Variants in GRB14 observed in about 807,000 individuals in gnomAD.
GRB14 encodes the protein growth factor receptor-bound protein 14.
GRB14 carries 38 observed loss-of-function variants against 69.1 expected under a neutral mutation model. That is an observed-to-expected ratio of 0.55 (90% CI 0.42 to 0.72). The LOEUF (loss-of-function observed/expected upper bound fraction) is 0.72. Among genes scored for constraint, GRB14 ranks in the 30% least tolerant of loss-of-function variants. GRB14 has a pLI of 0.00. For synonymous variants in GRB14, 247 were observed against 241.3 expected, an observed-to-expected ratio of 1.02 and a Z score of -0.22; for missense variants, 666 against 666.1, an observed-to-expected ratio of 1.00 and a Z score of 0.00.
At chr2:164,497,635 G>A (rs181924271) in intron 9 of GRB14, 145 bp from the exon 10 acceptor site, 14 of 603,298 alleles carry the variant, frequency 2.3e-5, no homozygotes, top group African/African-American at 1.1e-4. Context: ...GTGCCTGAAG[G>A]GGCTAGCAGA....
At chr2:164,616,618 T>C (rs1690305903) in intron 2 of GRB14, among the ~76,000 whole-genome samples, 1 of 152,186 alleles carries the variant, frequency 6.6e-6, no homozygotes, top group South Asian at 2.1e-4. Context: ...TCTCAAATAG[T>C]AAACAAAATT....
intron 2 of GRB14, among the ~76,000 whole-genome samples, chr2:164,579,292 C>A (rs997551552): frequency 2.0e-5 from 3 of 152,048 alleles, no homozygotes; most frequent in African/African-American, 7.2e-5. Flanking sequence ...AATAAAGACC[C>A]AAAACACTTC....
intron 2 of GRB14, among the ~76,000 whole-genome samples, chr2:164,551,682 C>A (rs184118647): frequency 5.3e-5 from 8 of 152,332 alleles, no homozygotes; most frequent in African/African-American, 1.9e-4. Context: ...CTCTGGCAAA[C>A]TTCCACCTAA....
intron 3 of GRB14, among the ~76,000 whole-genome samples, chr2:164,528,558 T>C (rs1164580466): frequency 6.6e-6 from 1 of 152,100 alleles, no homozygotes; most frequent in Non-Finnish European, 1.5e-5. Context: ...TTAAGAGTGT[T>C]CAATGAATAT....
At chr2:164,555,216 C>T (rs1688647497) in intron 2 of GRB14, among the ~76,000 whole-genome samples, 1 of 152,170 alleles carries the variant, frequency 6.6e-6, no homozygotes, top group Admixed American at 6.5e-5. Context: ...AGATCCTTTT[C>T]AATGTGAATT....
At chr2:164,526,851 A>G (rs918624781) in intron 4 of GRB14, among the ~76,000 whole-genome samples, 163 bp downstream of exon 4, 2 of 151,934 alleles carry the variant, frequency 1.3e-5, no homozygotes, top group African/African-American at 4.8e-5. Flanking sequence ...ATGTTCACTA[A>G]TCATTGTTAG....
intron 2 of GRB14, among the ~76,000 whole-genome samples, chr2:164,601,818 C>T (rs1235901497): frequency 6.6e-6 from 1 of 152,010 alleles, no homozygotes; most frequent in Non-Finnish European, 1.5e-5. Flanking sequence ...AGGATACAAT[C>T]TTAACAGTTT....
intron 6 of GRB14, among the ~76,000 whole-genome samples, chr2:164,519,624 A>C (rs752379655): frequency 2.0e-5 from 3 of 152,122 alleles, no homozygotes; most frequent in Non-Finnish European, 4.4e-5. Context: ...AGATTCCCCC[A>C]AAAACTCCTA....
At chr2:164,494,119 T>A (rs932569048) in intron 13 of GRB14, among the ~76,000 whole-genome samples, 6 of 152,320 alleles carry the variant, frequency 3.9e-5, no homozygotes, top group African/African-American at 1.4e-4. Context: ...GAGCCGTTAG[T>A]GGAATTCAGG....
chr2:164,581,447 A>T (rs147439896), intron 2 of GRB14, among the ~76,000 whole-genome samples: 290 of 152,316 alleles, frequency 1.9e-3, no homozygotes, highest in African/African-American at 6.4e-3. Context: ...GAAAACAGAG[A>T]GAGAAAAAGA....
intron 2 of GRB14, among the ~76,000 whole-genome samples, chr2:164,601,998 G>C (rs986232187): frequency 6.6e-6 from 1 of 152,014 alleles, no homozygotes. Context: ...AGGCACACTG[G>C]TTATACCATG....
chr2:164,620,459 C>T (rs1690428793), intron 1 of GRB14, among the ~76,000 whole-genome samples: 1 of 151,916 alleles, frequency 6.6e-6, no homozygotes, highest in African/African-American at 2.4e-5. Context: ...TATAAATGTA[C>T]TATAGTCCAC....
chr2:164,557,227 A>T (rs889266869), intron 2 of GRB14, among the ~76,000 whole-genome samples: 6 of 152,166 alleles, frequency 3.9e-5, no homozygotes, highest in African/African-American at 1.4e-4. Context: ...GGAGAGCAGA[A>T]GGGCTAAGTT....
In GRB14 at chr2:164,497,259, T is replaced by G; in HGVS notation, c.1246A>C (p.Thr416Pro). Residue 416 changes from threonine to proline, a missense_variant, in exon 11 of 14, where the codon ACT becomes CCT. By Grantham distance (38) the Thr-to-Pro change is conservative. Coordinates refer to ENST00000263915, the MANE Select transcript of GRB14 (RefSeq NM_004490.3). ...GAAGAGGCAGTGGGGCTACCGTGAGTGCCCAGGCGTAAACATCCTTTTTTC... is the reference window on the plus strand; with the variant it reads ...GAAGAGGCAGTGGGGCTACCGTGAGGGCCCAGGCGTAAACATCCTTTTTTC... ...WRKKGCLRLGTHGSPTASSQS... is the reference protein window; with the variant it reads ...WRKKGCLRLGPHGSPTASSQS... 1 of 1,613,674 alleles carries G rather than the reference T, an allele frequency of 6.2e-7. No homozygotes were observed.
intron 8 of GRB14, among the ~76,000 whole-genome samples, chr2:164,505,846 C>T (rs926985201): frequency 2.6e-5 from 4 of 152,066 alleles, no homozygotes; most frequent in African/African-American, 7.2e-5. Context: ...TTATTGGCAT[C>T]ATTTTTTTTC....
In GRB14 at chr2:164,522,134, A is replaced by G. The variant is rs1254099948; in HGVS notation, c.679-17T>C. ...CAGAAACATCTGAAAGAAAATTTAT[A>G]TATTTTCAAACTATGATTAAATCAA... On this transcript the variant is annotated splice_polypyrimidine_tract_variant and intron_variant, in intron 5 of 13. Coordinates refer to ENST00000263915, the MANE Select transcript of GRB14 (RefSeq NM_004490.3). The G allele has an allele frequency of 6.2e-6, 9 of 1,453,800 alleles. No homozygotes were observed. The highest frequency in any genetic ancestry group is 2.0e-5 in the Admixed American group (1 of 50,826). The allele number at this position is 1,453,800 out of a possible 1,614,324, so 90.1% of individuals were successfully genotyped here. A position where few individuals can be genotyped will look rare whatever the true frequency, so the allele number is the denominator to read the frequency against.
At chr2:164,516,097 G>C (rs898336479) in intron 6 of GRB14, among the ~76,000 whole-genome samples, 5 of 151,934 alleles carry the variant, frequency 3.3e-5, no homozygotes, top group African/African-American at 1.2e-4. Context: ...AGAAGAACTG[G>C]TGTTCCCGAG....
intron 3 of GRB14, among the ~76,000 whole-genome samples, chr2:164,540,829 T>C (rs886285017): frequency 6.6e-6 from 1 of 152,192 alleles, no homozygotes; most frequent in Admixed American, 6.5e-5. Flanking sequence ...CAGCAAAATA[T>C]AGGCTTGGTA....
rs143489613 is a variant in GRB14 at position 164,504,770 on chromosome 2, T to A, written c.1024-2435A>T. On this transcript the variant is annotated intron_variant, in intron 8 of 13. Transcript: ENST00000263915. ...TCTCCAGAGCCTATGTTAAGCTACA[T>A]GGAAAAAGGGAATTAAGGTTGTCAA... Among the ~76,000 whole-genome samples the A allele has an allele frequency of 6.2e-3, 950 of 152,094 alleles. 7 individuals are homozygous for A. Among genetic ancestry groups the A allele is most frequent in the South Asian group, 0.025 (119 of 4,824 alleles).
Sources: gnomAD v4.1 joint callset for allele counts (sites outside exome capture counted in the v4.1 genomes callset) on GRCh38, gnomAD v4.1.1 for gene constraint, MANE v1.5 for transcripts, NCBI Gene and HGNC (gene_info 2026-07-23, HGNC 2026-07-21) for gene names.